VWDE: variants seen among roughly 807,000 people sequenced by gnomAD.
The protein encoded by VWDE is von Willebrand factor D and EGF domain-containing protein.
VWDE carries 207 observed loss-of-function variants against 178.4 expected under a neutral mutation model. That is an observed-to-expected ratio of 1.16 (90% confidence interval 1.04 to 1.30). The LOEUF (loss-of-function observed/expected upper bound fraction) is 1.30, where lower values mean the gene tolerates loss of function less well. Among genes scored for constraint, VWDE ranks in the 50% most tolerant of loss-of-function variants. The pLI, the probability that VWDE is intolerant of heterozygous loss-of-function variation, is 0.00. For synonymous variants in VWDE, 738 were observed against 651.4 expected (o/e 1.13, Z -2.02); for missense variants, 2,287 against 1,901.3 (o/e 1.20, Z -3.77).
At chr7:12,331,278 C>A (rs1780708189) in intron 28 of VWDE, 81 bp from the exon 29 acceptor site, 1 of 1,178,990 alleles carries the variant, frequency 8.5e-7, no homozygotes, top group East Asian at 2.6e-5. Context: ...TTGCCTCCTT[C>A]CCTCTGACAT....
Position 12,333,014 on chromosome 7 carries a change from G to C in VWDE, c.4758+451C>G, listed in dbSNP as rs541412683. 3.9e-5 allele frequency among the ~76,000 whole-genome samples: 6 copies of C among 152,284 alleles called. No homozygotes were observed. The South Asian group carries it at 1.2e-3, about 32-fold the overall frequency. On this transcript the variant is annotated intron_variant, in intron 28 of 28. Transcript: ENST00000275358. Reference sequence around the variant, plus strand: ...GAGAGAGATTATTAGAACTACCCTTGTGTGTATAGGAATTAGGACTGAAAT... The same window carrying C: ...GAGAGAGATTATTAGAACTACCCTTCTGTGTATAGGAATTAGGACTGAAAT...
At chr7:12,347,777 G>A (rs1475760267) in intron 19 of VWDE, among the ~76,000 whole-genome samples, 3 of 151,856 alleles carry the variant, frequency 2.0e-5, no homozygotes, top group African/African-American at 7.3e-5. Context: ...TCAATCCTAA[G>A]CCAAAAGAAC....
Position 12,368,528 on chromosome 7 carries a change from G to C in VWDE, c.2761+1017C>G, listed in dbSNP as rs1274718740. On this transcript the variant is annotated intron_variant, in intron 12 of 28. Transcript: ENST00000275358. The stretch of plus-strand genomic sequence containing the variant: ...CCTGGCTCCTTTGAGGAACAGCAAA[G>C]CTGCCAGTGTGGCTGAAAAGCAGTG... Among the ~76,000 whole-genome samples the C allele has an allele frequency of 2.0e-5, 3 of 152,112 alleles. No homozygotes were observed. The East Asian group carries it at 5.8e-4, about 29-fold the overall frequency.
chr7:12,369,603 C>A lies in VWDE; in HGVS notation c.2703G>T (p.Met901Ile). The A allele has an allele frequency of 6.4e-7, 1 of 1,551,182 alleles. No homozygotes were observed. The highest frequency in any genetic ancestry group is 2.0e-5 in the Admixed American group (1 of 50,982). ...PNLCSGNGQC[M>I]EWGCACSPSF... ...TTGGGGAACACGCACACCCCCATTC[C>A]ATGCACTGCCCATTGCCGCTGCATA... is the stretch of plus-strand genomic sequence containing the variant. The change falls in exon 12 of 29, where the codon ATG becomes ATT. Residue 901 changes from methionine to isoleucine, a missense_variant. Met to Ile is a conservative substitution (Grantham distance 10). Coordinates refer to ENST00000275358, the MANE Select transcript of VWDE (RefSeq NM_001135924.3).
intron 26 of VWDE, among the ~76,000 whole-genome samples, 195 bp from the exon 27 acceptor site, chr7:12,336,431 T>C (rs982109328): frequency 6.6e-6 from 1 of 152,240 alleles, no homozygotes. Context: ...CCTTAACAGT[T>C]GCAAAATGTT....
At position 12,383,737 on chromosome 7, in the gene VWDE, C is replaced by T. The variant is rs547045732; in HGVS notation, c.476-136G>A. On this transcript the variant is annotated intron_variant, in intron 3 of 28. Coordinates refer to ENST00000275358, the MANE Select transcript of VWDE (RefSeq NM_001135924.3). ...TCTTAATTCTTCTCTTATTTCATAACATTTTTTTCCTTTTAAGGGTGAGAT... is the reference window on the plus strand; with the variant it reads ...TCTTAATTCTTCTCTTATTTCATAATATTTTTTTCCTTTTAAGGGTGAGAT... 5 of 729,248 alleles carry T rather than the reference C, an allele frequency of 6.9e-6. No individual in the cohort carries two copies. The African/African-American group carries it at 7.3e-5, about 11-fold the overall frequency. 45.2% of individuals were successfully genotyped at this position (729,248 alleles called of 1,614,324 possible).
In VWDE at chr7:12,379,506, C is replaced by T. The variant is rs369117318; in HGVS notation, c.850G>A (p.Glu284Lys). Residue 284 changes from glutamate to lysine, a missense_variant, in exon 6 of 29, where the codon GAA becomes AAA. Transcript: ENST00000275358. ...ENPHVQSVAI[E>K]SQEFFAGFKL... ...AAGCCTGCAAAAAATTCTTGGCTTTCGATGGCTACACTTTGTACATGAGGA... is the reference window on the plus strand; with the variant it reads ...AAGCCTGCAAAAAATTCTTGGCTTTTGATGGCTACACTTTGTACATGAGGA... The T allele has an allele frequency of 8.4e-6, 13 of 1,549,972 alleles. No homozygotes were observed. The highest frequency in any genetic ancestry group is 1.1e-5 in the Non-Finnish European group (13 of 1,146,060).
At chr7:12,340,200 C>A in intron 24 of VWDE, 122 bp downstream of exon 24, 1 of 719,436 alleles carries the variant, frequency 1.4e-6, no homozygotes, top group Non-Finnish European at 2.3e-6. Context: ...CTTGAAACAT[C>A]GCAAGAATTC....
intron 22 of VWDE, 42 bp from the exon 23 acceptor site, chr7:12,342,196 A>C (rs771593322): frequency 5.5e-5 from 83 of 1,508,240 alleles, no homozygotes; most frequent in Non-Finnish European, 7.0e-5. Context: ...TTAGGCTTGG[A>C]GTAGTCATAT....
intron 10 of VWDE, 23 bp downstream of exon 10, chr7:12,372,954 C>T (rs1338848584): frequency 6.5e-7 from 1 of 1,536,438 alleles, no homozygotes; most frequent in East Asian, 2.5e-5. Context: ...AAAATACTTT[C>T]AATGTTAAAG....
At chr7:12,385,131 T>C (rs1249738593) in intron 3 of VWDE, among the ~76,000 whole-genome samples, 1 of 151,894 alleles carries the variant, frequency 6.6e-6, no homozygotes, top group Non-Finnish European at 1.5e-5. Flanking sequence ...TCTTGACTTC[T>C]AGAAGGCTCT....
chr7:12,359,804 T>A, intron 15 of VWDE, 112 bp from the exon 16 acceptor site: 1 of 609,702 alleles, frequency 1.6e-6, no homozygotes, highest in Non-Finnish European at 2.9e-6. Flanking sequence ...AGCACATACA[T>A]CTATTTTGAT....
chr7:12,369,957 A>T lies in VWDE; in HGVS notation c.2349T>A (p.His783Gln). 1 of 1,551,532 alleles carries T rather than the reference A, an allele frequency of 6.4e-7. No individual in the cohort carries two copies. The highest frequency in any genetic ancestry group is 8.7e-7 in the Non-Finnish European group (1 of 1,146,886). ...AAAACTCTTGCTGTACATCCTCAGC[A>T]TGGTCCTCTGGGAAAAAATAAGTAA... is the stretch of plus-strand genomic sequence containing the variant. ...EELTYFFPEDHAEDVQQEFFP... is the reference protein window; with the variant it reads ...EELTYFFPEDQAEDVQQEFFP... Residue 783 changes from histidine to glutamine, a missense_variant, in exon 12 of 29, where the codon CAT (histidine) becomes CAA (glutamine). Transcript: ENST00000275358.
At chr7:12,340,032 C>CA (rs756079912) in intron 24 of VWDE, among the ~76,000 whole-genome samples, 17 of 152,268 alleles carry the variant, frequency 1.1e-4, no homozygotes, top group Non-Finnish European at 1.9e-4. Context: ...TTCATTATAA[C>CA]AGACTACAAG....
intron 1 of VWDE, among the ~76,000 whole-genome samples, chr7:12,403,425 G>A (rs1037821809): frequency 2.1e-4 from 32 of 152,368 alleles, no homozygotes; most frequent in African/African-American, 7.0e-4. Flanking sequence ...CGTAGAGTAA[G>A]AGGAGGCAAC....
At position 12,330,926 on chromosome 7, in the gene VWDE, G is replaced by A. The variant is rs190959368; in HGVS notation, c.*257C>T. The A allele has an allele frequency of 6.0e-4, 234 of 389,472 alleles. No individual in the cohort carries two copies. Among genetic ancestry groups the A allele is most frequent in the Non-Finnish European group, 9.7e-4 (210 of 216,174 alleles). 24.1% of individuals were successfully genotyped at this position (389,472 alleles called of 1,614,324 possible). ...ATTCAGTTTATTAAATATTGTGAAT[G>A]GGTGGAATATCAGATACATCATCTC... On this transcript the variant is annotated 3_prime_UTR_variant, in exon 29 of 29. Coordinates refer to ENST00000275358, the MANE Select transcript of VWDE (RefSeq NM_001135924.3).
At chr7:12,364,163 G>A (rs1295402253) in intron 13 of VWDE, among the ~76,000 whole-genome samples, 1 of 152,000 alleles carries the variant, frequency 6.6e-6, no homozygotes, top group Non-Finnish European at 1.5e-5. Flanking sequence ...AGAAGTATCA[G>A]TATCAACTCA....
intron 13 of VWDE, among the ~76,000 whole-genome samples, chr7:12,366,946 A>G (rs1241739994): frequency 6.6e-6 from 1 of 152,096 alleles, no homozygotes; most frequent in Non-Finnish European, 1.5e-5. Flanking sequence ...AATCCATAGT[A>G]AGGAAAATAT....
intron 15 of VWDE, among the ~76,000 whole-genome samples, chr7:12,360,238 G>A (rs185907949): frequency 2.0e-5 from 3 of 152,214 alleles, no homozygotes. Context: ...AATGTAGAAA[G>A]TATTCTTAGG....
Sources: gnomAD v4.1 joint callset for allele counts (sites outside exome capture counted in the v4.1 genomes callset) on GRCh38, gnomAD v4.1.1 for gene constraint, MANE v1.5 for transcripts, NCBI Gene and HGNC (gene_info 2026-07-23, HGNC 2026-07-21) for gene names.